The following DOCK3 variants were observed in gnomAD, a reference collection of about 807,000 sequenced individuals.
DOCK3 encodes dedicator of cytokinesis 3.
Under a neutral mutation model 265.6 loss-of-function variants are expected in DOCK3, and 60 were observed. The observed-to-expected ratio is 0.23, with a 90% CI of 0.18 to 0.28. The LOEUF (loss-of-function observed/expected upper bound fraction) is 0.28, where lower values mean the gene tolerates loss of function less well. DOCK3 is among the 10% of genes least tolerant of loss of function. DOCK3 has a pLI of 1.00. For synonymous variants in DOCK3, 881 were observed against 938.0 expected (o/e 0.94, Z 1.11); for missense variants, 1,981 against 2,594.3 (o/e 0.76, Z 5.14).
At chr3:51,274,977 C>A in intron 24 of DOCK3, 102 bp from the exon 25 acceptor site, 1 of 1,467,132 alleles carries the variant, frequency 6.8e-7, no homozygotes, top group Non-Finnish European at 9.5e-7. Flanking sequence ...TAGTCTGAAC[C>A]CCACCTGCTT....
intron 1 of DOCK3, among the ~76,000 whole-genome samples, chr3:50,679,213 A>G (rs769939682): frequency 2.0e-5 from 3 of 152,126 alleles, no homozygotes; most frequent in Non-Finnish European, 2.9e-5. Context: ...GCTTCAAGCT[A>G]TCCTCCCACC....
intron 4 of DOCK3, among the ~76,000 whole-genome samples, chr3:50,920,110 T>C (rs2050358026): frequency 6.6e-6 from 1 of 152,152 alleles, no homozygotes; most frequent in Non-Finnish European, 1.5e-5. Flanking sequence ...ACTTGATCAT[T>C]GTGGATAAGC....
chr3:50,935,158 C>G (rs1241879938), intron 5 of DOCK3, among the ~76,000 whole-genome samples: 1 of 152,166 alleles, frequency 6.6e-6, no homozygotes, highest in Non-Finnish European at 1.5e-5. Context: ...CCAAGGAAAG[C>G]CTGTTCTCTC....
At chr3:51,040,774 A>G (rs1174870471) in intron 5 of DOCK3, among the ~76,000 whole-genome samples, 1 of 152,336 alleles carries the variant, frequency 6.6e-6, no homozygotes, top group East Asian at 1.9e-4. Context: ...TGTTCACAGC[A>G]TCTTCACCAG....
intron 1 of DOCK3, among the ~76,000 whole-genome samples, chr3:50,681,819 G>T (rs1174548985): frequency 6.6e-6 from 1 of 152,204 alleles, no homozygotes; most frequent in African/African-American, 2.4e-5. Flanking sequence ...GCTAATAAGT[G>T]AGAACCAACA....
At chr3:51,290,166 G>C (rs970298417) in intron 27 of DOCK3, among the ~76,000 whole-genome samples, 172 of 152,198 alleles carry the variant, frequency 1.1e-3, no homozygotes, top group African/African-American at 3.5e-3. Flanking sequence ...ACCATTTGAC[G>C]CAGCCATCCC....
At chr3:51,343,949 G>A (rs943136607) in intron 38 of DOCK3, among the ~76,000 whole-genome samples, 1 of 152,224 alleles carries the variant, frequency 6.6e-6, no homozygotes, top group Non-Finnish European at 1.5e-5. Flanking sequence ...GCCAGACAAG[G>A]AGAGAGGGAA....
chr3:51,050,613 T>G (rs1279456502), intron 5 of DOCK3, among the ~76,000 whole-genome samples: 3 of 152,146 alleles, frequency 2.0e-5, no homozygotes, highest in African/African-American at 7.2e-5. Context: ...GGTGGTATAA[T>G]TCAGTCTGAG....
At chr3:51,337,578 C>G (rs2084955319) in intron 35 of DOCK3, among the ~76,000 whole-genome samples, 2 of 152,218 alleles carry the variant, frequency 1.3e-5, no homozygotes, top group Admixed American at 1.3e-4. Flanking sequence ...GCAGATGGCA[C>G]TCTGGCTGGC....
At chr3:51,216,469 T>C (rs1336180021) in intron 14 of DOCK3, among the ~76,000 whole-genome samples, 1 of 152,198 alleles carries the variant, frequency 6.6e-6, no homozygotes, top group African/African-American at 2.4e-5. Flanking sequence ...TGGGCAGTCC[T>C]GGCAGGCCCA....
At chr3:51,340,202 T>C (rs1195888384) in intron 37 of DOCK3, among the ~76,000 whole-genome samples, 1 of 152,160 alleles carries the variant, frequency 6.6e-6, no homozygotes, top group Non-Finnish European at 1.5e-5. Context: ...GGTCAGGGAT[T>C]TTAACAGAGA....
chr3:51,253,207 T>TA (rs1373947161), intron 22 of DOCK3, among the ~76,000 whole-genome samples: 6 of 152,236 alleles, frequency 3.9e-5, no homozygotes, highest in Non-Finnish European at 8.8e-5. Context: ...CATCAAAGGA[T>TA]GAAGCCCACT....
At chr3:50,769,956 C>CA (rs2041177056) in intron 1 of DOCK3, among the ~76,000 whole-genome samples, 1 of 151,838 alleles carries the variant, frequency 6.6e-6, no homozygotes. Context: ...CAGACTTCAC[C>CA]AAAAAACTAT....
intron 5 of DOCK3, among the ~76,000 whole-genome samples, chr3:51,045,572 G>A (rs1462238287): frequency 2.6e-5 from 4 of 152,148 alleles, no homozygotes; most frequent in Non-Finnish European, 4.4e-5. Context: ...TTTGCAATTT[G>A]TAAAAACCGT....
chr3:50,775,257 A>G (rs988283850), intron 1 of DOCK3, among the ~76,000 whole-genome samples: 2 of 151,932 alleles, frequency 1.3e-5, no homozygotes, highest in East Asian at 3.9e-4. Context: ...CTGGCATTTC[A>G]TTTGTGGGAA....
chr3:51,144,433 T>A (rs570579079), intron 9 of DOCK3, among the ~76,000 whole-genome samples: 7 of 152,348 alleles, frequency 4.6e-5, no homozygotes, highest in African/African-American at 1.7e-4. Context: ...TTTCAGACAC[T>A]TTCTTCACTT....
At position 51,333,236 on chromosome 3, in the gene DOCK3, A is replaced by C; in HGVS notation, c.3594A>C (p.Glu1198Asp). ...TGACCTCAGTCACCCGCCTCATGGA[A>C]CGTCTTCTTGACTACAGGTATCTTC... ...SFVTSVTRLM[E>D]RLLDYRDCMK... is the part of the protein sequence containing the mutation. Residue 1198 changes from glutamate to aspartate, a missense_variant, in exon 35 of 53, where the codon GAA (glutamate) becomes GAC (aspartate). Around this residue, in one of 4 missense-constraint regions of DOCK3, gnomAD observed 1,357 missense variants for 1,866.8 expected, o/e 0.73. Transcript: ENST00000266037. 1 of 1,613,214 alleles carries C rather than the reference A, an allele frequency of 6.2e-7. No homozygotes were observed. Among genetic ancestry groups the C allele is most frequent in the Non-Finnish European group, 8.5e-7 (1 of 1,179,878 alleles).
chr3:50,728,593 T>C (rs1391825687), intron 1 of DOCK3, among the ~76,000 whole-genome samples: 1 of 152,140 alleles, frequency 6.6e-6, no homozygotes, highest in Non-Finnish European at 1.5e-5. Context: ...AAGACATGTT[T>C]GTAATGAAAG....
chr3:51,066,422 T>A (rs1432776299), intron 6 of DOCK3, among the ~76,000 whole-genome samples: 1 of 152,186 alleles, frequency 6.6e-6, no homozygotes, highest in Non-Finnish European at 1.5e-5. Context: ...ATAGTTCCTC[T>A]CACAAAAGAA....
Sources: allele counts gnomAD v4.1 joint callset (sites outside exome capture counted in the v4.1 genomes callset), GRCh38; gene constraint gnomAD v4.1.1; regional missense constraint gnomAD v4.1.1; transcripts MANE v1.5; gene names NCBI Gene and HGNC (gene_info 2026-07-23, HGNC 2026-07-21).